The following COL22A1 variants were observed in gnomAD, a reference collection of about 807,000 sequenced individuals.
COL22A1 encodes the protein collagen alpha-1(XXII) chain.
A neutral mutation model predicts 248.9 loss-of-function variants in COL22A1; 221 were observed. The observed-to-expected ratio is 0.89, with a 90% CI of 0.80 to 0.99. COL22A1 has a LOEUF of 0.99. Ranked by LOEUF, COL22A1 falls within the 50% of genes least tolerant of loss-of-function variation. The pLI, the probability that COL22A1 is intolerant of heterozygous loss-of-function variation, is 0.00. For missense variants in COL22A1, 2,240 were observed against 2,179.0 expected, an observed-to-expected ratio of 1.03 and a Z score of -0.56; for synonymous variants, 891 against 793.4, an observed-to-expected ratio of 1.12 and a Z score of -2.07.
At position 138,878,062 on chromosome 8, in the gene COL22A1, T is replaced by G; in HGVS notation, c.346A>C (p.Asn116His). 4 of 1,597,608 alleles carry G rather than the reference T, an allele frequency of 2.5e-6. No homozygotes were observed. In the South Asian group the frequency reaches 4.5e-5, roughly 18 times the overall value. ...ATGTAGCGGAGCGCGTCTCCCGTGTTGGTGTTGCCCCCGTGGTAGGCGAGA... is the reference window on the plus strand; with the variant it reads ...ATGTAGCGGAGCGCGTCTCCCGTGTGGGTGTTGCCCCCGTGGTAGGCGAGA... ...RRLAYHGGNT[N>H]TGDALRYITA... Residue 116 changes from asparagine (N) to histidine (H), a missense_variant, in exon 3 of 65, where the codon AAC becomes CAC. Transcript: ENST00000303045.
chr8:138,674,958 C>A (rs1458093793), intron 41 of COL22A1, among the ~76,000 whole-genome samples: 2 of 152,142 alleles, frequency 1.3e-5, no homozygotes, highest in African/African-American at 4.8e-5. Flanking sequence ...AGCCAAAGAA[C>A]AAAGGTAAAA....
At chr8:138,749,612 CT>C (rs929856801) in intron 22 of COL22A1, among the ~76,000 whole-genome samples, 1 of 152,248 alleles carries the variant, frequency 6.6e-6, no homozygotes, top group African/African-American at 2.4e-5. Flanking sequence ...TTGCTGAGCA[CT>C]TTTTCTCCTA....
intron 41 of COL22A1, among the ~76,000 whole-genome samples, chr8:138,668,432 T>C (rs1365178778): frequency 2.6e-5 from 4 of 152,184 alleles, no homozygotes; most frequent in African/African-American, 9.7e-5. Context: ...ATATCACACA[T>C]ATGAATACAC....
At chr8:138,883,020 C>A in intron 2 of COL22A1, 62 bp downstream of exon 2, 1 of 1,413,378 alleles carries the variant, frequency 7.1e-7, no homozygotes, top group South Asian at 1.3e-5. Context: ...AGCCCATGCT[C>A]ACGGACACAT....
chr8:138,896,868 G>A (rs1295412551), intron 1 of COL22A1, among the ~76,000 whole-genome samples: 3 of 152,034 alleles, frequency 2.0e-5, no homozygotes, highest in African/African-American at 7.2e-5. Flanking sequence ...AGCTACTTGC[G>A]GGGCTGAGGC....
At chr8:138,674,798 C>A (rs1277303843) in intron 41 of COL22A1, among the ~76,000 whole-genome samples, 1 of 152,070 alleles carries the variant, frequency 6.6e-6, no homozygotes, top group African/African-American at 2.4e-5. Flanking sequence ...TGCTAAGGAG[C>A]GAGTGCCACA....
intron 37 of COL22A1, among the ~76,000 whole-genome samples, chr8:138,686,662 C>G (rs1260085247): frequency 6.6e-6 from 1 of 152,136 alleles, no homozygotes; most frequent in South Asian, 2.1e-4. Context: ...GCCTGGGCCT[C>G]TGCTCAGCCA....
intron 3 of COL22A1, among the ~76,000 whole-genome samples, chr8:138,875,729 T>C (rs368520223): frequency 6.6e-6 from 1 of 152,134 alleles, no homozygotes; most frequent in Admixed American, 6.5e-5. Context: ...GGCCTACAAC[T>C]GAGGGCCCAA....
At position 138,821,174 on chromosome 8, in the gene COL22A1, C is replaced by T. The variant is rs1819087948; in HGVS notation, c.1207G>A (p.Val403Met). The change falls in exon 7 of 65, where the codon GTG (valine) becomes ATG (methionine). Residue 403 changes from valine to methionine, a missense_variant. By Grantham distance (21) the Val-to-Met change is conservative (BLOSUM62 1). Coordinates refer to ENST00000303045, the MANE Select transcript of COL22A1 (RefSeq NM_152888.3). Reference protein sequence around the residue: ...RENIDIQGKTVIGKRLYDSVP... With the variant: ...RENIDIQGKTMIGKRLYDSVP... ...CTGTCGTAGAGGCGCTTGCCAATCA[C>T]AGTCTTGCCCTGGATGTCAATGTTC... 2 of 1,613,994 alleles carry T rather than the reference C, an allele frequency of 1.2e-6. No homozygotes were observed. Among genetic ancestry groups the T allele is most frequent in the Non-Finnish European group, 8.5e-7 (1 of 1,179,988 alleles).
At chr8:138,867,612 G>T (rs560200108) in intron 3 of COL22A1, among the ~76,000 whole-genome samples, 1 of 152,126 alleles carries the variant, frequency 6.6e-6, no homozygotes, top group African/African-American at 2.4e-5. Flanking sequence ...CTCTAGCCCC[G>T]CTGACATGAG....
chr8:138,883,564 T>C (rs922487082), intron 1 of COL22A1, among the ~76,000 whole-genome samples: 2 of 151,970 alleles, frequency 1.3e-5, no homozygotes, highest in Non-Finnish European at 2.9e-5. Context: ...ACCACCCAAA[T>C]CTCCCTCTCT....
chr8:138,866,020 T>C (rs1822870656), intron 3 of COL22A1, among the ~76,000 whole-genome samples: 1 of 150,622 alleles, frequency 6.6e-6, no homozygotes. Flanking sequence ...TGTATGACTC[T>C]GTGTGTGTGT....
At position 138,678,483 on chromosome 8, in the gene COL22A1, T is replaced by G. The variant is rs555327172; in HGVS notation, c.3072+1134A>C. Among the ~76,000 whole-genome samples the G allele has an allele frequency of 1.8e-4, 27 of 152,252 alleles. No homozygotes were observed. In the South Asian group the frequency reaches 5.4e-3, roughly 30 times the overall value. On this transcript the variant is annotated intron_variant, in intron 40 of 64. Coordinates refer to ENST00000303045, the MANE Select transcript of COL22A1 (RefSeq NM_152888.3). ...ATTAGTATAATCTGTTTCTTTAGAA[T>G]AATATGATATGAATGGTTCTTGGAA...
intron 47 of COL22A1, among the ~76,000 whole-genome samples, chr8:138,641,202 T>C (rs988894588): frequency 2.0e-5 from 3 of 152,206 alleles, no homozygotes; most frequent in Non-Finnish European, 4.4e-5. Context: ...TGGGTTATTT[T>C]CTAGGCAGGA....
chr8:138,616,001 A>G lies in COL22A1; in HGVS notation c.3924T>C (p.Asp1308=). 1.2e-6 allele frequency: 2 copies of G among 1,612,470 alleles called. No individual in the cohort carries two copies. Among genetic ancestry groups the G allele is most frequent in the South Asian group, 1.1e-5 (1 of 91,004 alleles). The change falls in exon 55 of 65, where the codon GAT becomes GAC. Residue 1308 remains aspartate (D), a splice_region_variant and synonymous_variant. Transcript: ENST00000303045. Reference sequence around the variant, plus strand: ...CCAGGTCCCACAGGACCCCACTTACATCTTTTCCTGGTAACCCTTCCTGAC... The same window carrying G: ...CCAGGTCCCACAGGACCCCACTTACGTCTTTTCCTGGTAACCCTTCCTGAC... ...LPGQEGLPGK[D]GDTGPTGPQG... is the part of the protein sequence containing the mutation.
At chr8:138,801,958 C>A (rs1435427872) in intron 11 of COL22A1, among the ~76,000 whole-genome samples, 3 of 152,048 alleles carry the variant, frequency 2.0e-5, no homozygotes. Flanking sequence ...ATAACTGAGG[C>A]CCATTTGACA....
chr8:138,664,826 T>C (rs1824352505), intron 41 of COL22A1, among the ~76,000 whole-genome samples: 2 of 152,150 alleles, frequency 1.3e-5, no homozygotes, highest in African/African-American at 4.8e-5. Flanking sequence ...TCAATGCCAA[T>C]CATCCCTTCT....
intron 45 of COL22A1, among the ~76,000 whole-genome samples, chr8:138,655,348 A>G (rs1156441776): frequency 6.6e-6 from 1 of 152,006 alleles, no homozygotes; most frequent in Non-Finnish European, 1.5e-5. Flanking sequence ...AAGCACCTAA[A>G]TTTTTAATCG....
chr8:138,709,895 TCA>T (rs938624369), intron 30 of COL22A1, among the ~76,000 whole-genome samples: 2 of 152,186 alleles, frequency 1.3e-5, no homozygotes, highest in African/African-American at 4.8e-5. Flanking sequence ...GCAAATATCC[TCA>T]CACACATGCC....
Sources: gnomAD v4.1 joint callset for allele counts (sites outside exome capture counted in the v4.1 genomes callset) on GRCh38, gnomAD v4.1.1 for gene constraint, MANE v1.5 for transcripts, NCBI Gene and HGNC (gene_info 2026-07-23, HGNC 2026-07-21) for gene names.